Variants in TUFT1 observed in about 807,000 individuals in gnomAD.
TUFT1 encodes the protein tuftelin 1.
TUFT1 carries 43 observed loss-of-function variants against 57.8 expected under a neutral mutation model. The observed-to-expected ratio is 0.74, with a 90% CI of 0.58 to 0.96. The LOEUF (loss-of-function observed/expected upper bound fraction) is 0.96. Ranked by LOEUF, TUFT1 falls within the 40% of genes least tolerant of loss-of-function variation. TUFT1 has a pLI of 0.00. For missense variants in TUFT1, 459 were observed against 489.0 expected (o/e 0.94, Z 0.58); for synonymous variants, 166 against 176.7 (o/e 0.94, Z 0.48).
Position 151,581,009 on chromosome 1 carries a change from C to T in TUFT1, c.1076C>T (p.Thr359Ile). ...EKQISHGNFS[T>I]QARAKTENPG... ...CAAATCAGTCATGGCAACTTCAGCA[C>T]CCAGGCCCGGGCCAAGACAGAGAAC... The change falls in exon 12 of 13, where the codon ACC becomes ATC. Residue 359 changes from threonine (T) to isoleucine (I), a missense_variant. Physicochemically the swap from Thr to Ile is moderately conservative, Grantham distance 89 (BLOSUM62 -1). Transcript: ENST00000368849. 2 of 1,614,154 alleles carry T rather than the reference C, an allele frequency of 1.2e-6. No individual in the cohort carries two copies. The highest frequency in any genetic ancestry group is 1.7e-6 in the Non-Finnish European group (2 of 1,180,034).
chr1:151,569,159 A>G (rs1666170354), intron 6 of TUFT1, among the ~76,000 whole-genome samples: 1 of 152,232 alleles, frequency 6.6e-6, no homozygotes, highest in South Asian at 2.1e-4. Context: ...TCCATCCATC[A>G]GTAACCCTTT....
At chr1:151,574,759 G>A (rs997639372) in intron 8 of TUFT1, 152 bp from the exon 9 acceptor site, 21 of 695,568 alleles carry the variant, frequency 3.0e-5, no homozygotes, top group Non-Finnish European at 4.9e-5. Flanking sequence ...CTCATCAAGG[G>A]ATGGCTCCCC....
At position 151,575,733 on chromosome 1, in the gene TUFT1, C is replaced by G. The variant is rs534385164; in HGVS notation, c.818+728C>G. Among the ~76,000 whole-genome samples the G allele has an allele frequency of 5.3e-5, 8 of 152,298 alleles. No individual in the cohort carries two copies. In the South Asian group the frequency reaches 1.5e-3, roughly 28 times the overall value. On this transcript the variant is annotated intron_variant, in intron 9 of 12. Transcript: ENST00000368849. ...TTAACATCAGCATATTTGGTTTGAT[C>G]TTCATTGTGTAAGGTGGACCTTTTT...
chr1:151,581,548 C>A, intron 12 of TUFT1, 96 bp from the exon 13 acceptor site: 1 of 1,247,036 alleles, frequency 8.0e-7, no homozygotes, highest in Non-Finnish European at 1.2e-6. Context: ...GTGTAAGATT[C>A]CAGAGGCCAA....
chr1:151,566,506 A>C (rs1363341614), intron 6 of TUFT1, among the ~76,000 whole-genome samples: 1 of 152,154 alleles, frequency 6.6e-6, no homozygotes, highest in Non-Finnish European at 1.5e-5. Context: ...TGGCCTTGCA[A>C]GCGTTAAAGG....
At chr1:151,561,947 T>C (rs1161153724) in intron 1 of TUFT1, 144 bp from the exon 2 acceptor site, 8 of 1,484,414 alleles carry the variant, frequency 5.4e-6, no homozygotes, top group Non-Finnish European at 7.3e-6. Context: ...GCTGCCTCCC[T>C]GGACTTCAGT....
chr1:151,557,575 G>A, intron 1 of TUFT1: 1 of 1,121,726 alleles, frequency 8.9e-7, no homozygotes, highest in Non-Finnish European at 1.4e-6. Context: ...CAATCTTCAT[G>A]TCATGAAGGC....
rs1280809236 is a variant in TUFT1, at chr1:151,579,749, G to A, written c.1008+17G>A. The stretch of plus-strand genomic sequence containing the variant: ...GAGGCAGAGGTGTGTGTGCTGGGCA[G>A]CCCAGCAGGGGAACAGGACTCTTGA... On this transcript the variant is annotated intron_variant, in intron 11 of 12. Transcript: ENST00000368849. 1.2e-6 allele frequency: 2 copies of A among 1,610,792 alleles called. No individual in the cohort carries two copies. Among genetic ancestry groups the A allele is most frequent in the Non-Finnish European group, 1.7e-6 (2 of 1,178,346 alleles).
intron 1 of TUFT1, among the ~76,000 whole-genome samples, chr1:151,560,413 T>A (rs1334434529): frequency 6.6e-6 from 1 of 151,986 alleles, no homozygotes; most frequent in Non-Finnish European, 1.5e-5. Context: ...CAAGACTCCA[T>A]CTCAAACAAA....
chr1:151,580,346 T>C (rs1034602988), intron 11 of TUFT1, among the ~76,000 whole-genome samples: 6 of 152,040 alleles, frequency 3.9e-5, no homozygotes, highest in African/African-American at 1.4e-4. Flanking sequence ...GGCAAGTGAG[T>C]ATCTCAACTG....
rs869244649 is a variant in TUFT1, at chr1:151,552,707, C to CAAAAAAA, written c.61-9364_61-9358dup. On this transcript the variant is annotated intron_variant, in intron 1 of 12. Transcript: ENST00000368849. ...CGACAGAGCGAGAGGGACTCTGTCT[C>CAAAAAAA]AAAAAAAAAAAAAAAAAAAAAAAAA... is the stretch of plus-strand genomic sequence containing the variant. Among the ~76,000 whole-genome samples, 2 of 53,488 alleles carry CAAAAAAA rather than the reference C, an allele frequency of 3.7e-5. 1 individual carries two copies. The highest frequency in any genetic ancestry group is 6.0e-5 in the Non-Finnish European group (2 of 33,320). 35.1% of individuals were successfully genotyped at this position (53,488 alleles called of 152,430 possible). A position where few individuals can be genotyped will look rare whatever the true frequency, so the allele number is the denominator to read the frequency against.
chr1:151,578,082 T>G (rs1393633319), intron 9 of TUFT1, among the ~76,000 whole-genome samples: 1 of 151,966 alleles, frequency 6.6e-6, no homozygotes, highest in African/African-American at 2.4e-5. Flanking sequence ...TACTTGAATC[T>G]TTCCAGTAAC....
chr1:151,558,674 A>G (rs1665790166), intron 1 of TUFT1, among the ~76,000 whole-genome samples: 2 of 152,040 alleles, frequency 1.3e-5, no homozygotes, highest in Admixed American at 6.6e-5. Flanking sequence ...GGTTTATGAA[A>G]CAGACCAGAC....
At chr1:151,573,914 CT>C (rs1666354683) in intron 7 of TUFT1, among the ~76,000 whole-genome samples, 1 of 152,016 alleles carries the variant, frequency 6.6e-6, no homozygotes, top group African/African-American at 2.4e-5. Context: ...GGATTATTTG[CT>C]TTTGAATTTG....
intron 7 of TUFT1, 74 bp downstream of exon 7, chr1:151,569,844 C>A: frequency 8.4e-7 from 1 of 1,197,318 alleles, no homozygotes; most frequent in Non-Finnish European, 1.2e-6. Context: ...GATGTCTCAG[C>A]TTGGACTTCC....
intron 8 of TUFT1, 82 bp from the exon 9 acceptor site, chr1:151,574,829 C>A: frequency 1.6e-6 from 2 of 1,240,414 alleles, no homozygotes; most frequent in South Asian, 1.3e-5. Flanking sequence ...GGGGCTGAGT[C>A]CCAGCCTGGC....
chr1:151,543,985 T>A (rs1318251908), intron 1 of TUFT1, among the ~76,000 whole-genome samples: 1 of 3,182 alleles, frequency 3.1e-4, no homozygotes, highest in Non-Finnish European at 0.013. Flanking sequence ...TTTAAATCAC[T>A]TTTTTTTTTT....
chr1:151,573,779 A>AT (rs1330957384), intron 7 of TUFT1, among the ~76,000 whole-genome samples: 1 of 152,164 alleles, frequency 6.6e-6, no homozygotes, highest in Non-Finnish European at 1.5e-5. Context: ...AATAAGACAA[A>AT]TTCTTCCTGA....
At chr1:151,545,684 C>G in intron 1 of TUFT1, 1 of 357,050 alleles carries the variant, frequency 2.8e-6, no homozygotes, top group Non-Finnish European at 6.0e-6. Context: ...CCTCATTATG[C>G]TGACTTTTGT....
Sources: allele counts gnomAD v4.1 joint callset (sites outside exome capture counted in the v4.1 genomes callset), GRCh38; gene constraint gnomAD v4.1.1; transcripts MANE v1.5; gene names NCBI Gene and HGNC (gene_info 2026-07-23, HGNC 2026-07-21).